The following LRRC49 variants were observed in gnomAD, a reference collection of about 807,000 sequenced individuals.
The protein encoded by LRRC49 is leucine-rich repeat-containing protein 49.
In LRRC49, 50 loss-of-function variants were observed where a neutral mutation model predicts 83.3. That is an observed-to-expected ratio of 0.60 (90% CI 0.48 to 0.76). The LOEUF is 0.76. Among genes scored for constraint, LRRC49 ranks in the 30% least tolerant of loss-of-function variants. The pLI is 0.00. For synonymous variants in LRRC49, 286 were observed against 283.3 expected (o/e 1.01, Z -0.10); for missense variants, 704 against 809.1 (o/e 0.87, Z 1.58).
chr15:70,978,742 C>T lies in LRRC49; in HGVS notation c.922-1359C>T, dbSNP rs561622007. On this transcript the variant is annotated intron_variant, in intron 9 of 15. Transcript: ENST00000260382. The stretch of plus-strand genomic sequence containing the variant: ...TACATTCATAGAGCTTATTTTATGG[C>T]GTGGGAGGCAAGAGGGATAGCACCA... Among the ~76,000 whole-genome samples the T allele has an allele frequency of 1.4e-4, 21 of 152,028 alleles. No homozygotes were observed. The South Asian group carries it at 2.7e-3, about 20-fold the overall frequency.
At chr15:70,982,645 T>C (rs1248621943) in intron 10 of LRRC49, among the ~76,000 whole-genome samples, 2 of 152,148 alleles carry the variant, frequency 1.3e-5, no homozygotes, top group Non-Finnish European at 2.9e-5. Flanking sequence ...GGGGTCTTGC[T>C]GTGTTGCCCA....
chr15:71,043,575 T>C (rs2039761325), intron 15 of LRRC49, among the ~76,000 whole-genome samples: 1 of 152,102 alleles, frequency 6.6e-6, no homozygotes, highest in Non-Finnish European at 1.5e-5. Flanking sequence ...GCAGAGTGAG[T>C]CATCCTGGCA....
chr15:70,861,997 C>G, intron 1 of LRRC49, among the ~76,000 whole-genome samples: 1 of 152,154 alleles, frequency 6.6e-6, no homozygotes, highest in East Asian at 1.9e-4. Flanking sequence ...TGATCAGTAA[C>G]AGCAGGTATG....
rs1335421438 is a variant in LRRC49 at position 71,026,804 on chromosome 15, TA to T, written c.1704-10372del. Among the ~76,000 whole-genome samples the T allele has an allele frequency of 3.3e-5, 5 of 152,220 alleles. No homozygotes were observed. The South Asian group carries it at 1.0e-3, about 31-fold the overall frequency. Reference sequence around the variant, plus strand: ...GATGGGGTTGTTTGTTTTTTTCTTGTAAATTTGCTTTAAGTTCCTTGTAGAT... The same window carrying T: ...GATGGGGTTGTTTGTTTTTTTCTTGTAATTTGCTTTAAGTTCCTTGTAGAT... On this transcript the variant is annotated intron_variant, in intron 14 of 15. Coordinates refer to ENST00000260382, the MANE Select transcript of LRRC49 (RefSeq NM_017691.5).
At chr15:71,001,741 G>A (rs1199435715) in intron 11 of LRRC49, among the ~76,000 whole-genome samples, 1 of 151,958 alleles carries the variant, frequency 6.6e-6, no homozygotes, top group Non-Finnish European at 1.5e-5. Context: ...CCCCAGGCTG[G>A]AGTGCAGTGG....
In LRRC49 at chr15:70,962,617, G is replaced by GA. The variant is rs200902868; in HGVS notation, c.774-1158dup. 4.5e-4 allele frequency among the ~76,000 whole-genome samples: 65 copies of GA among 145,570 alleles called. 1 individual carries two copies. The highest frequency in any genetic ancestry group is 2.0e-3 in the Admixed American group (30 of 14,730). ...GAAAGTAAGAAAGTGCTCAGAAAAA[G>GA]AAAAAAAAAATCCACATCGATGGGA... On this transcript the variant is annotated intron_variant, in intron 8 of 15. Coordinates refer to ENST00000260382, the MANE Select transcript of LRRC49 (RefSeq NM_017691.5).
At chr15:70,859,654 C>T in intron 1 of LRRC49, 7 of 643,908 alleles carry the variant, frequency 1.1e-5, no homozygotes, top group Non-Finnish European at 1.8e-5. Context: ...ACTGGAACAT[C>T]AGCCGGCTCC....
chr15:70,883,276 CCGCCTGCCGGGT>C (rs2033314836), intron 2 of LRRC49, among the ~76,000 whole-genome samples: 1 of 151,962 alleles, frequency 6.6e-6, no homozygotes, highest in African/African-American at 2.4e-5. Context: ...ACTGCAATCT[CCGCCTGCCGGGT>C]TCAAGTGATT....
intron 8 of LRRC49, among the ~76,000 whole-genome samples, chr15:70,940,728 C>G (rs1365864763): frequency 1.3e-5 from 2 of 152,264 alleles, no homozygotes; most frequent in Middle Eastern, 6.8e-3. Flanking sequence ...CCTTTGTTAG[C>G]AGATAACCAA....
intron 14 of LRRC49, among the ~76,000 whole-genome samples, chr15:71,014,817 GATCAA>G (rs1483550786): frequency 6.6e-6 from 1 of 152,074 alleles, no homozygotes; most frequent in East Asian, 1.9e-4. Flanking sequence ...TCATAAATCA[GATCAA>G]ATCAACTAAC....
chr15:70,894,565 A>G (rs1224608839), intron 2 of LRRC49: 2 of 1,140,538 alleles, frequency 1.8e-6, no homozygotes, highest in Admixed American at 3.0e-5. Context: ...TTTCTGTCTC[A>G]CCTCAGCATT....
chr15:71,015,208 T>TTA (rs746701159), intron 14 of LRRC49, among the ~76,000 whole-genome samples: 1 of 152,150 alleles, frequency 6.6e-6, no homozygotes, highest in East Asian at 1.9e-4. Context: ...TTGGTCAAAG[T>TTA]TATAGACAAC....
Position 70,976,046 on chromosome 15 carries a change from A to G in LRRC49, c.922-4055A>G, listed in dbSNP as rs774023607. The stretch of plus-strand genomic sequence containing the variant: ...GTTGAGGATGCCATCAGATCATAGC[A>G]CTCAGGAATACTTAGCCACTACATT... On this transcript the variant is annotated intron_variant, in intron 9 of 15. Transcript: ENST00000260382. Among the ~76,000 whole-genome samples the G allele has an allele frequency of 1.8e-4, 28 of 152,172 alleles. 1 individual carries two copies. Among genetic ancestry groups the G allele is most frequent in the South Asian group, 6.2e-4 (3 of 4,822 alleles).
chr15:70,935,126 G>A (rs1456316344), intron 7 of LRRC49, among the ~76,000 whole-genome samples: 3 of 152,282 alleles, frequency 2.0e-5, no homozygotes, highest in African/African-American at 7.2e-5. Flanking sequence ...AAATTTGGCT[G>A]CCCTCCTGTT....
At chr15:70,878,584 A>G (rs184544620) in intron 2 of LRRC49, among the ~76,000 whole-genome samples, 17 of 152,362 alleles carry the variant, frequency 1.1e-4, no homozygotes, top group African/African-American at 2.4e-4. Context: ...ATTTAGTGGC[A>G]TACATTCATG....
At chr15:70,907,129 A>G (rs190945328) in intron 5 of LRRC49, among the ~76,000 whole-genome samples, 1 of 152,338 alleles carries the variant, frequency 6.6e-6, no homozygotes, top group African/African-American at 2.4e-5. Flanking sequence ...ACATTAAGCA[A>G]ACCTGGCTGA....
In LRRC49 at chr15:71,012,895, C is replaced by T; in HGVS notation, c.1685C>T (p.Ser562Phe). ...SSELPQYRLI[S>F]ILGDARKKQF... is the part of the protein sequence containing the mutation. The stretch of plus-strand genomic sequence containing the variant: ...GAGTTACCCCAGTATCGTCTGATTT[C>T]CATTCTGGGTGATGCCAGGTAACCT... Residue 562 changes from serine to phenylalanine, a missense_variant, in exon 14 of 16, where the codon TCC becomes TTC. By Grantham distance (155) the Ser-to-Phe change is radical. Around this residue, in one of 3 missense-constraint regions of LRRC49, gnomAD observed 275 missense variants for 338.0 expected, o/e 0.81. Coordinates refer to ENST00000260382, the MANE Select transcript of LRRC49 (RefSeq NM_017691.5). 1 of 1,610,250 alleles carries T rather than the reference C, an allele frequency of 6.2e-7. No individual in the cohort carries two copies. Among genetic ancestry groups the T allele is most frequent in the Non-Finnish European group, 8.5e-7 (1 of 1,177,938 alleles).
rs77164671 is a variant in LRRC49 at position 70,876,114 on chromosome 15, G to A, written c.18+2891G>A. On this transcript the variant is annotated intron_variant, in intron 2 of 16. Transcript: ENST00000544974. ...ATAATGAAGACTTTAAGTGCCACAG[G>A]AAGTCTAAAAACTCTCCTTTAGGGA... Among the ~76,000 whole-genome samples, 624 of 152,246 alleles carry A rather than the reference G, an allele frequency of 4.1e-3. 14 individuals are homozygous for A. Among genetic ancestry groups the A allele is most frequent in the East Asian group, 0.014 (70 of 5,178 alleles).
intron 8 of LRRC49, among the ~76,000 whole-genome samples, chr15:70,956,052 A>C (rs2036389495): frequency 2.0e-5 from 3 of 152,196 alleles, no homozygotes; most frequent in Admixed American, 1.3e-4. Flanking sequence ...TTCAGAGATC[A>C]TGGTACCTTG....
Sources: gnomAD v4.1 joint callset for allele counts (sites outside exome capture counted in the v4.1 genomes callset) on GRCh38, gnomAD v4.1.1 for gene constraint, gnomAD v4.1.1 regional missense constraint, MANE v1.5 for transcripts, NCBI Gene and HGNC (gene_info 2026-07-23, HGNC 2026-07-21) for gene names.